PCDHA13: variants seen among roughly 807,000 people sequenced by gnomAD.
PCDHA13 encodes protocadherin alpha 13.
In PCDHA13, 54 loss-of-function variants were observed where a neutral mutation model predicts 64.8. The observed-to-expected ratio is 0.83, with a 90% CI of 0.67 to 1.04. The LOEUF is 1.04. Ranked by LOEUF, PCDHA13 falls within the 50% of genes least tolerant of loss-of-function variation. The probability of loss-of-function intolerance (pLI) is 0.00; values close to 1 mark genes in which losing one functional copy is unlikely to be tolerated. For missense variants in PCDHA13, 1,248 were observed against 1,254.3 expected (o/e 0.99, Z 0.08); for synonymous variants, 587 against 564.4 (o/e 1.04, Z -0.57).
rs2058976763 is a variant in PCDHA13 at position 140,882,154 on chromosome 5, A to C, written c.-115A>C. 2 of 1,505,976 alleles carry C rather than the reference A, an allele frequency of 1.3e-6. No individual in the cohort carries two copies. Among genetic ancestry groups the C allele is most frequent in the Non-Finnish European group, 1.8e-6 (2 of 1,126,850 alleles). 93.3% of individuals were successfully genotyped at this position (1,505,976 alleles called of 1,614,324 possible). ...TGCAGAAAATATAGCAGAAAGCGGA[A>C]TACCTCTTGCGAATCCTTCCGCACT... On this transcript the variant is annotated 5_prime_UTR_variant, in exon 1 of 4. Coordinates refer to ENST00000289272, the MANE Select transcript of PCDHA13 (RefSeq NM_018904.3).
intron 3 of PCDHA13, among the ~76,000 whole-genome samples, chr5:140,993,758 T>C (rs1205942777): frequency 6.6e-6 from 1 of 152,226 alleles, no homozygotes; most frequent in Non-Finnish European, 1.5e-5. Flanking sequence ...GCCATTATAT[T>C]ACAATTGCGC....
At chr5:140,926,863 G>T (rs2083606655) in intron 1 of PCDHA13, 6 of 1,523,054 alleles carry the variant, frequency 3.9e-6, no homozygotes, top group Non-Finnish European at 5.3e-6. Flanking sequence ...GGTGTAGCGT[G>T]TTGGTGGAAC....
chr5:140,892,555 T>C (rs1554185273), intron 1 of PCDHA13, among the ~76,000 whole-genome samples: 1 of 152,260 alleles, frequency 6.6e-6, no homozygotes, highest in African/African-American at 2.4e-5. Context: ...TCTCTAGTCC[T>C]TGGAGACTGT....
chr5:140,968,373 C>T (rs1554230649), intron 1 of PCDHA13: 1 of 1,614,034 alleles, frequency 6.2e-7, no homozygotes, highest in African/African-American at 1.3e-5. Context: ...GCTGTCAACT[C>T]CTTTGACTAT....
At chr5:140,982,447 C>G (rs782801484) in intron 2 of PCDHA13, 28 bp from the exon 3 acceptor site, 1 of 1,613,782 alleles carries the variant, frequency 6.2e-7, no homozygotes, top group South Asian at 1.1e-5. Flanking sequence ...ATGATCTAAC[C>G]GTTATCTGGG....
At chr5:140,928,977 T>C in intron 1 of PCDHA13, 1 of 1,613,888 alleles carries the variant, frequency 6.2e-7, no homozygotes, top group Non-Finnish European at 8.5e-7. Context: ...CCTTTTTATT[T>C]CTGGGGTGCT....
chr5:141,004,037 G>A (rs946974688), intron 3 of PCDHA13, among the ~76,000 whole-genome samples: 1 of 152,200 alleles, frequency 6.6e-6, no homozygotes, highest in African/African-American at 2.4e-5. Flanking sequence ...TTCCTTGATT[G>A]ATCATTTGCT....
intron 1 of PCDHA13, among the ~76,000 whole-genome samples, chr5:140,885,554 A>G (rs1025656025): frequency 5.3e-5 from 8 of 152,140 alleles, no homozygotes; most frequent in African/African-American, 1.9e-4. Context: ...TGTTATTTCT[A>G]CGAAATTGAT....
chr5:140,916,871 T>C (rs1321229691), intron 1 of PCDHA13, among the ~76,000 whole-genome samples: 1 of 152,162 alleles, frequency 6.6e-6, no homozygotes, highest in African/African-American at 2.4e-5. Context: ...ACCTAGGAAT[T>C]GCAATCCTTG....
At chr5:140,959,259 C>G (rs781794121) in intron 1 of PCDHA13, among the ~76,000 whole-genome samples, 1 of 152,040 alleles carries the variant, frequency 6.6e-6, no homozygotes, top group African/African-American at 2.4e-5. Context: ...TGACTGTAGT[C>G]CCAGCTACCC....
intron 1 of PCDHA13, chr5:140,966,814 C>T: frequency 1.9e-6 from 3 of 1,552,444 alleles, no homozygotes; most frequent in East Asian, 2.4e-5. Context: ...ATCCACGGCT[C>T]CGGCGGCCCA....
At chr5:140,995,689 T>A (rs528829345) in intron 3 of PCDHA13, among the ~76,000 whole-genome samples, 33 of 152,250 alleles carry the variant, frequency 2.2e-4, no homozygotes, top group Admixed American at 6.5e-4. Flanking sequence ...TTTTAATTGT[T>A]AAATAAAGGG....
chr5:140,922,498 G>C (rs2080865421), intron 1 of PCDHA13, among the ~76,000 whole-genome samples: 1 of 152,230 alleles, frequency 6.6e-6, no homozygotes, highest in African/African-American at 2.4e-5. Context: ...CTGAGAGTGA[G>C]CAGATGCACC....
chr5:141,001,694 C>A (rs2098032582), intron 3 of PCDHA13, among the ~76,000 whole-genome samples: 1 of 151,662 alleles, frequency 6.6e-6, no homozygotes, highest in African/African-American at 2.4e-5. Flanking sequence ...CCACAGATGG[C>A]GAAATAGGGG....
chr5:140,963,072 CAG>C (rs1366711310), intron 1 of PCDHA13, among the ~76,000 whole-genome samples: 5 of 151,824 alleles, frequency 3.3e-5, no homozygotes, highest in African/African-American at 1.2e-4. Flanking sequence ...GTGAAGGAGA[CAG>C]AAATATAAGA....
At chr5:140,967,142 C>T in intron 1 of PCDHA13, 1 of 1,611,304 alleles carries the variant, frequency 6.2e-7, no homozygotes, top group Non-Finnish European at 8.5e-7. Flanking sequence ...AGTGCTGGCG[C>T]ACAACCCCGT....
At chr5:140,926,438 G>A (rs2083248814) in intron 1 of PCDHA13, 1 of 154,646 alleles carries the variant, frequency 6.5e-6, no homozygotes, top group African/African-American at 2.4e-5. Flanking sequence ...TTAAGATCTG[G>A]GCAGCCTCAG....
intron 1 of PCDHA13, among the ~76,000 whole-genome samples, chr5:140,891,237 T>C (rs2063002731): frequency 6.6e-6 from 1 of 152,210 alleles, no homozygotes; most frequent in South Asian, 2.1e-4. Flanking sequence ...CTGTTCTGGA[T>C]TCAGTAGGAT....
At chr5:140,950,517 A>G (rs1210598995) in intron 1 of PCDHA13, among the ~76,000 whole-genome samples, 1 of 152,012 alleles carries the variant, frequency 6.6e-6, no homozygotes, top group African/African-American at 2.4e-5. Flanking sequence ...CCTGTGTGCG[A>G]TATGATTGTT....
Sources: allele counts gnomAD v4.1 joint callset (sites outside exome capture counted in the v4.1 genomes callset), GRCh38; gene constraint gnomAD v4.1.1; transcripts MANE v1.5; gene names NCBI Gene and HGNC (gene_info 2026-07-23, HGNC 2026-07-21).